The following SLC25A17 variants were observed in gnomAD, a reference collection of about 807,000 sequenced individuals.
The protein encoded by SLC25A17 is solute carrier family 25 member 17.
Under a neutral mutation model 38.5 loss-of-function variants are expected in SLC25A17, and 26 were observed. The observed-to-expected ratio is 0.68, with a 90% CI of 0.50 to 0.94. SLC25A17 has a LOEUF of 0.94. SLC25A17 is among the 40% of genes least tolerant of loss of function. SLC25A17 has a pLI of 0.00. For missense variants in SLC25A17, 333 were observed against 372.7 expected (o/e 0.89, Z 0.88); for synonymous variants, 139 against 136.2 (o/e 1.02, Z -0.14).
At chr22:40,800,599 T>C (rs1001879243) in intron 1 of SLC25A17, among the ~76,000 whole-genome samples, 10 of 152,026 alleles carry the variant, frequency 6.6e-5, no homozygotes, top group African/African-American at 2.4e-4. Context: ...TCTCACTATA[T>C]TTACCCAGGC....
At chr22:40,800,994 C>G (rs1293619386) in intron 1 of SLC25A17, among the ~76,000 whole-genome samples, 1 of 149,688 alleles carries the variant, frequency 6.7e-6, no homozygotes, top group Non-Finnish European at 1.5e-5. Context: ...ATCCCAGCTA[C>G]TTGGGAAGCT....
chr22:40,814,740 G>A (rs2057617686), intron 1 of SLC25A17, among the ~76,000 whole-genome samples: 1 of 146,652 alleles, frequency 6.8e-6, no homozygotes, highest in Admixed American at 6.8e-5. Flanking sequence ...GATGAGGAAA[G>A]GCAGTACGTG....
intron 1 of SLC25A17, among the ~76,000 whole-genome samples, chr22:40,808,676 A>T (rs17002182): frequency 0.029 from 4,476 of 152,290 alleles, 212 homozygotes; most frequent in African/African-American, 0.1. Context: ...TGTGTTAAAC[A>T]TTTCCGTTTT....
chr22:40,803,903 G>A (rs1004954168), intron 1 of SLC25A17, among the ~76,000 whole-genome samples: 1 of 150,726 alleles, frequency 6.6e-6, no homozygotes, highest in Admixed American at 6.6e-5. Flanking sequence ...CTCACTTCTA[G>A]TTTCCAGCTG....
chr22:40,806,125 C>G (rs1188855512), intron 1 of SLC25A17, among the ~76,000 whole-genome samples: 2 of 152,156 alleles, frequency 1.3e-5, no homozygotes, highest in African/African-American at 2.4e-5. Context: ...TTGCCAGAAA[C>G]CCATTCCACT....
intron 1 of SLC25A17, 121 bp from the exon 2 acceptor site, chr22:40,799,204 T>A: frequency 1.5e-6 from 1 of 680,780 alleles, no homozygotes. Context: ...TACGGCAGCC[T>A]TGAACTCTTG....
chr22:40,771,331 C>T (rs777139210), intron 8 of SLC25A17, among the ~76,000 whole-genome samples: 7 of 152,078 alleles, frequency 4.6e-5, no homozygotes, highest in Non-Finnish European at 7.4e-5. Context: ...AGGATGGTCT[C>T]GATCCCCTGA....
chr22:40,804,281 A>G (rs1004833234), intron 1 of SLC25A17, among the ~76,000 whole-genome samples: 48 of 152,174 alleles, frequency 3.2e-4, no homozygotes, highest in African/African-American at 1.2e-3. Context: ...TACGCACCCA[A>G]GCCCAGAGCA....
chr22:40,781,390 C>T lies in SLC25A17; in HGVS notation c.335-2265G>A, dbSNP rs375335016. On this transcript the variant is annotated intron_variant, in intron 4 of 8. Transcript: ENST00000435456. ...CCTCCCGAGTAGCCAGGACTACAGG[C>T]GCCCGCCACTGCGCCCGACTAATTT... Among the ~76,000 whole-genome samples, 234 of 151,964 alleles carry T rather than the reference C, an allele frequency of 1.5e-3. 4 individuals are homozygous for T. The highest frequency in any genetic ancestry group is 5.3e-3 in the African/African-American group (220 of 41,510).
chr22:40,787,454 T>C (rs553730122), intron 4 of SLC25A17, among the ~76,000 whole-genome samples: 12 of 152,300 alleles, frequency 7.9e-5, no homozygotes, highest in Non-Finnish European at 1.6e-4. Flanking sequence ...GTAGCCTACC[T>C]GTTACAAGGG....
chr22:40,805,207 C>A (rs957269558), intron 1 of SLC25A17, among the ~76,000 whole-genome samples: 3 of 152,150 alleles, frequency 2.0e-5, no homozygotes, highest in African/African-American at 7.2e-5. Context: ...TAGTGGCACA[C>A]GCCTGTAATC....
In SLC25A17 at chr22:40,805,795, T is replaced by C. The variant is rs143722554; in HGVS notation, c.55-6712A>G. Among the ~76,000 whole-genome samples the C allele has an allele frequency of 3.9e-3, 591 of 152,266 alleles. 2 individuals carry two copies. Among genetic ancestry groups the C allele is most frequent in the Non-Finnish European group, 5.8e-3 (397 of 68,036 alleles). ...CTCTGTGAGACCCACATCAGTCTGA[T>C]CTACAGATCTACAAGAACTACAGAA... On this transcript the variant is annotated intron_variant, in intron 1 of 8. Coordinates refer to ENST00000435456, the MANE Select transcript of SLC25A17 (RefSeq NM_006358.4).
intron 1 of SLC25A17, among the ~76,000 whole-genome samples, chr22:40,813,355 C>T (rs1366318697): frequency 6.6e-6 from 1 of 151,890 alleles, no homozygotes; most frequent in Non-Finnish European, 1.5e-5. Context: ...CTGGCCAACA[C>T]GGTGAGACCT....
rs1174017529 is a variant in SLC25A17, at chr22:40,798,661, A to T, written c.115+362T>A. On this transcript the variant is annotated intron_variant, in intron 2 of 8. Coordinates refer to ENST00000435456, the MANE Select transcript of SLC25A17 (RefSeq NM_006358.4). ...TAGAAAAATAAAAGCACACATACAT[A>T]AAAAAAAAAAAAAAAAAAAAAAGAG... Among the ~76,000 whole-genome samples, 14 of 16,214 alleles carry T rather than the reference A, an allele frequency of 8.6e-4. No homozygotes were observed. The African/African-American group carries it at 9.3e-3, about 11-fold the overall frequency. The allele number at this position is 16,214 out of a possible 152,430, so 10.6% of individuals were successfully genotyped here.
At chr22:40,811,976 CT>C (rs1202398522) in intron 1 of SLC25A17, among the ~76,000 whole-genome samples, 1 of 53,800 alleles carries the variant, frequency 1.9e-5, no homozygotes, top group African/African-American at 8.0e-5. Flanking sequence ...GGGGGTTCCT[CT>C]TTTTTGTGAA....
chr22:40,780,078 C>G (rs1352374534), intron 4 of SLC25A17: 1 of 152,072 alleles, frequency 6.6e-6, no homozygotes, highest in Non-Finnish European at 1.5e-5. Context: ...AGAAAAAATC[C>G]TAAGGAAGAG....
In SLC25A17 at chr22:40,817,769, A is replaced by G. The variant is rs115904524; in HGVS notation, c.54+1426T>C. On this transcript the variant is annotated intron_variant, in intron 1 of 8. Transcript: ENST00000435456. ...GATCACGTTTAAAGGTAAATCAGCA[A>G]GTTCAACAGCTAGCCAGAGTGAAAG... Among the ~76,000 whole-genome samples, 1,323 of 152,320 alleles carry G rather than the reference A, an allele frequency of 8.7e-3. 19 individuals carry two copies. The highest frequency in any genetic ancestry group is 0.03 in the African/African-American group (1,264 of 41,578).
At position 40,775,436 on chromosome 22, in the gene SLC25A17, G is replaced by GTTTT. The variant is rs71200615; in HGVS notation, c.694-1421_694-1418dup. 1.6e-3 allele frequency among the ~76,000 whole-genome samples: 137 copies of GTTTT among 86,834 alleles called. 29 individuals are homozygous for GTTTT. Among genetic ancestry groups the GTTTT allele is most frequent in the Non-Finnish European group, 2.2e-3 (99 of 44,342 alleles). 57.0% of individuals were successfully genotyped at this position (86,834 alleles called of 152,430 possible). On this transcript the variant is annotated intron_variant, in intron 7 of 8. Transcript: ENST00000435456. ...TGAATAAGTCTCATGAGATCTGATG[G>GTTTT]TTTTTTTTTTTTTTTTTTTTTTTTT... is the stretch of plus-strand genomic sequence containing the variant.
intron 1 of SLC25A17, among the ~76,000 whole-genome samples, chr22:40,807,661 A>G (rs1375585998): frequency 6.6e-6 from 1 of 152,154 alleles, no homozygotes; most frequent in Non-Finnish European, 1.5e-5. Context: ...AGGCAAGAGA[A>G]TAGCATGAAC....
Sources: allele counts gnomAD v4.1 joint callset (sites outside exome capture counted in the v4.1 genomes callset), GRCh38; gene constraint gnomAD v4.1.1; transcripts MANE v1.5; gene names NCBI Gene and HGNC (gene_info 2026-07-23, HGNC 2026-07-21).